Variants in UTRN observed in about 807,000 individuals in gnomAD.
UTRN encodes the protein dystrophin-related protein 1.
Under a neutral mutation model 463.9 loss-of-function variants are expected in UTRN, and 283 were observed. The ratio of observed to expected loss-of-function variants is 0.61; its 90% CI spans 0.55 to 0.67. The LOEUF (loss-of-function observed/expected upper bound fraction) is 0.67. Among genes scored for constraint, UTRN ranks in the 30% least tolerant of loss-of-function variants. UTRN has a pLI of 0.00. For synonymous variants in UTRN, 1,442 were observed against 1,431.5 expected (o/e 1.01, Z -0.17); for missense variants, 3,922 against 4,084.3 (o/e 0.96, Z 1.08).
intron 59 of UTRN, among the ~76,000 whole-genome samples, chr6:144,773,306 T>G (rs1412490790): frequency 6.6e-6 from 1 of 152,002 alleles, no homozygotes; most frequent in Admixed American, 6.5e-5. Context: ...TGGAAGAAAA[T>G]GAAGTGTCCT....
intron 66 of UTRN, 145 bp downstream of exon 66, chr6:144,821,163 G>C: frequency 9.4e-7 from 1 of 1,066,002 alleles, no homozygotes; most frequent in Non-Finnish European, 1.3e-6. Flanking sequence ...TTCACAACAT[G>C]AATTTTTACA....
In UTRN at chr6:144,386,530, A is replaced by G. The variant is rs1472226026; in HGVS notation, c.80-16593A>G. 2.0e-5 allele frequency among the ~76,000 whole-genome samples: 3 copies of G among 152,264 alleles called. No individual in the cohort carries two copies. In the East Asian group the frequency reaches 5.8e-4, roughly 29 times the overall value. ...AGTTATGAAAATTAAAAATAAGAAT[A>G]TGTATTTTTCAATATGAGACTAAAC... is the stretch of plus-strand genomic sequence containing the variant. On this transcript the variant is annotated intron_variant, in intron 2 of 74. Coordinates refer to ENST00000367545, the MANE Select transcript of UTRN (RefSeq NM_007124.3).
At chr6:144,451,531 A>C (rs750567492) in intron 18 of UTRN, 38 bp downstream of exon 18, 1 of 1,563,598 alleles carries the variant, frequency 6.4e-7, no homozygotes, top group Non-Finnish European at 8.6e-7. Context: ...AGTGCATAAA[A>C]TAGTTCATCA....
intron 51 of UTRN, among the ~76,000 whole-genome samples, chr6:144,645,417 T>C (rs1259172655): frequency 1.3e-5 from 2 of 152,234 alleles, no homozygotes; most frequent in African/African-American, 4.8e-5. Context: ...GCTTCAAAGA[T>C]AACTTCTGCA....
chr6:144,491,318 T>G (rs1023005221), intron 32 of UTRN, among the ~76,000 whole-genome samples: 9 of 152,150 alleles, frequency 5.9e-5, no homozygotes, highest in Non-Finnish European at 1.2e-4. Flanking sequence ...GAAACTAGAA[T>G]AGACATGTAT....
chr6:144,847,130 GT>G (rs1279979178), intron 74 of UTRN, among the ~76,000 whole-genome samples: 5 of 151,952 alleles, frequency 3.3e-5, no homozygotes, highest in Non-Finnish European at 7.3e-5. Context: ...TCTCTCAAAT[GT>G]CTACTTAAGG....
At chr6:144,830,831 C>G (rs1485129954) in intron 69 of UTRN, among the ~76,000 whole-genome samples, 1 of 151,854 alleles carries the variant, frequency 6.6e-6, no homozygotes, top group Non-Finnish European at 1.5e-5. Context: ...TCCTGGAAGC[C>G]AAAAGATTGA....
intron 51 of UTRN, chr6:144,583,380 G>A: frequency 1.8e-6 from 1 of 541,950 alleles, no homozygotes; most frequent in Non-Finnish European, 3.4e-6. Context: ...ATGCTTTCCT[G>A]GAAACGAGCA....
intron 46 of UTRN, among the ~76,000 whole-genome samples, chr6:144,547,370 A>G (rs1306050291): frequency 3.3e-5 from 5 of 152,088 alleles, no homozygotes; most frequent in Admixed American, 2.0e-4. Context: ...GGAATTCTTA[A>G]CCATTAATGG....
At chr6:144,636,171 A>G (rs1232241674) in intron 51 of UTRN, among the ~76,000 whole-genome samples, 2 of 152,150 alleles carry the variant, frequency 1.3e-5, no homozygotes, top group African/African-American at 2.4e-5. Context: ...GCTTGTAATT[A>G]GAGAAAATGT....
At chr6:144,610,798 C>T (rs1805420086) in intron 51 of UTRN, among the ~76,000 whole-genome samples, 1 of 152,186 alleles carries the variant, frequency 6.6e-6, no homozygotes, top group Non-Finnish European at 1.5e-5. Flanking sequence ...TCTCTTGAAC[C>T]TTGGAGGCAT....
intron 51 of UTRN, among the ~76,000 whole-genome samples, chr6:144,644,906 A>T (rs998964415): frequency 1.3e-5 from 2 of 152,196 alleles, no homozygotes. Flanking sequence ...CTGCTTGCAC[A>T]AGGAAGTTTG....
chr6:144,703,922 A>G (rs2128699880), intron 53 of UTRN, among the ~76,000 whole-genome samples: 1 of 152,314 alleles, frequency 6.6e-6, no homozygotes, highest in East Asian at 1.9e-4. Context: ...GTGAATTATG[A>G]AATAATATAT....
chr6:144,850,786 T>C (rs1782427029), intron 74 of UTRN, among the ~76,000 whole-genome samples: 1 of 152,162 alleles, frequency 6.6e-6, no homozygotes, highest in Non-Finnish European at 1.5e-5. Flanking sequence ...CTTTCAGACT[T>C]CCCTCTAAAT....
chr6:144,726,455 C>G lies in UTRN; in HGVS notation c.7810-3902C>G, dbSNP rs79370339. On this transcript the variant is annotated intron_variant, in intron 53 of 74. Coordinates refer to ENST00000367545, the MANE Select transcript of UTRN (RefSeq NM_007124.3). Reference sequence around the variant, plus strand: ...CTCCCCCAGGAAGCATTACAGATCCCCCAAGGCTCTACTAGGTCCCAGACA... The same window carrying G: ...CTCCCCCAGGAAGCATTACAGATCCGCCAAGGCTCTACTAGGTCCCAGACA... Among the ~76,000 whole-genome samples the G allele has an allele frequency of 3.3e-3, 498 of 152,254 alleles. 2 individuals are homozygous for G. The highest frequency in any genetic ancestry group is 0.011 in the African/African-American group (475 of 41,528).
Position 144,479,812 on chromosome 6 carries a change from A to G in UTRN, c.3337A>G (p.Ile1113Val). ...TGGGGGAATGGCTTTTCCTTTGTAG[A>G]TCGCTACTCAAAAAAGTAGGTTGTC... ...QTQLEKLSKE[I>V]ATQKSRLSES... Residue 1113 changes from isoleucine (I) to valine (V), a missense_variant and splice_region_variant, in exon 26 of 75, where the codon ATC becomes GTC. This residue lies in a region of UTRN where 2,349 missense variants were observed against 2,303.8 expected (regional missense o/e 1.02). Coordinates refer to ENST00000367545, the MANE Select transcript of UTRN (RefSeq NM_007124.3). 6.2e-7 allele frequency: 1 copy of G among 1,612,218 alleles called. No individual in the cohort carries two copies. Among genetic ancestry groups the G allele is most frequent in the East Asian group, 2.2e-5 (1 of 44,854 alleles).
chr6:144,730,366 C>T lies in UTRN; in HGVS notation c.7819C>T (p.Arg2607Trp), dbSNP rs777256552. Residue 2607 changes from arginine to tryptophan, a missense_variant, in exon 54 of 75, where the codon CGG (arginine) becomes TGG (tryptophan). By Grantham distance (101) the Arg-to-Trp change is moderately radical. This residue lies in a region of UTRN where 1,309 missense variants were observed against 1,452.6 expected (regional missense o/e 0.90). Coordinates refer to ENST00000367545, the MANE Select transcript of UTRN (RefSeq NM_007124.3). ...GCTTCTCTTTTGAAAGGCCCTGAGA[C>T]GGGAGTTAAAGGAGAAAGAATATTC... ...LQYDHCKALR[R>W]ELKEKEYSVL... 39 of 1,601,298 alleles carry T rather than the reference C, an allele frequency of 2.4e-5. No homozygotes were observed. The highest frequency in any genetic ancestry group is 3.4e-5 in the Admixed American group (2 of 58,598).
chr6:144,340,631 C>G (rs75515471), intron 2 of UTRN, among the ~76,000 whole-genome samples: 264 of 152,218 alleles, frequency 1.7e-3, no homozygotes, highest in African/African-American at 6.0e-3. Context: ...TGCTATTGAG[C>G]TATAATAGAG....
Position 144,539,346 on chromosome 6 carries a change from G to A in UTRN, c.6422G>A (p.Arg2141Lys). Residue 2141 changes from arginine (R) to lysine (K), a missense_variant, in exon 45 of 75, where the codon AGA (arginine) becomes AAA (lysine). Physicochemically the swap from Arg to Lys is conservative, Grantham distance 26 (BLOSUM62 2). Coordinates refer to ENST00000367545, the MANE Select transcript of UTRN (RefSeq NM_007124.3). Reference protein sequence around the residue: ...VHAEKLKWLNRTELEMLSDKS... With the variant: ...VHAEKLKWLNKTELEMLSDKS... ...GCTGAAAAACTCAAATGGCTGAATA[G>A]AACTGAATTGGAGATGCTTTCAGAT... The A allele has an allele frequency of 6.2e-7, 1 of 1,613,408 alleles. No individual in the cohort carries two copies. The highest frequency in any genetic ancestry group is 1.7e-4 in the Middle Eastern group (1 of 6,056).
Sources: gnomAD v4.1 joint callset for allele counts (sites outside exome capture counted in the v4.1 genomes callset) on GRCh38, gnomAD v4.1.1 for gene constraint, gnomAD v4.1.1 regional missense constraint, MANE v1.5 for transcripts, NCBI Gene and HGNC (gene_info 2026-07-23, HGNC 2026-07-21) for gene names.